Variants in LARS2 observed in about 807,000 individuals in gnomAD.
LARS2 encodes the protein leucyl-tRNA synthetase 2, mitochondrial, also known as leucine--tRNA ligase, mitochondrial.
A neutral mutation model predicts 116.6 loss-of-function variants in LARS2; 81 were observed. The ratio of observed to expected loss-of-function variants is 0.69; its 90% CI spans 0.58 to 0.84. The LOEUF is 0.84. Among genes scored for constraint, LARS2 ranks in the 40% least tolerant of loss-of-function variants. The pLI is 0.00. For synonymous variants in LARS2, 396 were observed against 407.2 expected, an observed-to-expected ratio of 0.97 and a Z score of 0.33; for missense variants, 968 against 1,114.5, an observed-to-expected ratio of 0.87 and a Z score of 1.87.
chr3:45,427,929 C>A (rs1475991082), intron 6 of LARS2, among the ~76,000 whole-genome samples: 1 of 150,992 alleles, frequency 6.6e-6, no homozygotes, highest in Admixed American at 6.6e-5. Flanking sequence ...TGAAGCAATT[C>A]TCCTGCCTCA....
chr3:45,458,665 C>T lies in LARS2; in HGVS notation c.607-78C>T, dbSNP rs911675172. ...TCACGCCACTGCACTCTAGCCCGGG[C>T]GACAGTGCGACACTCCCTGTCAAAA... On this transcript the variant is annotated intron_variant, in intron 7 of 21. Coordinates refer to ENST00000645846, the MANE Select transcript of LARS2 (RefSeq NM_015340.4). 28 of 1,466,128 alleles carry T rather than the reference C, an allele frequency of 1.9e-5. 1 individual carries two copies. Among genetic ancestry groups the T allele is most frequent in the South Asian group, 1.2e-4 (10 of 86,262 alleles). The allele number at this position is 1,466,128 out of a possible 1,614,324, so 90.8% of individuals were successfully genotyped here. A position where few individuals can be genotyped will look rare whatever the true frequency, so the allele number is the denominator to read the frequency against.
chr3:45,463,404 G>A (rs1022843386), intron 8 of LARS2, among the ~76,000 whole-genome samples: 7 of 152,172 alleles, frequency 4.6e-5, no homozygotes, highest in African/African-American at 1.4e-4. Flanking sequence ...GTTTTCAGGA[G>A]TTACTTGGCA....
At chr3:45,451,585 A>G (rs182802337) in intron 7 of LARS2, among the ~76,000 whole-genome samples, 50 of 152,236 alleles carry the variant, frequency 3.3e-4, no homozygotes, top group African/African-American at 1.1e-3. Flanking sequence ...TGGCAGTACC[A>G]TGCTTTTTGG....
intron 17 of LARS2, 76 bp from the exon 18 acceptor site, chr3:45,517,827 C>G: frequency 8.2e-7 from 1 of 1,225,646 alleles, no homozygotes; most frequent in South Asian, 1.5e-5. Flanking sequence ...AGGTGTTTTT[C>G]TCTGCTTAGT....
intron 19 of LARS2, among the ~76,000 whole-genome samples, chr3:45,523,734 A>G (rs759382483): frequency 1.3e-5 from 2 of 151,678 alleles, no homozygotes; most frequent in African/African-American, 4.8e-5. Flanking sequence ...ATGAGGTCTC[A>G]CTATAGTGCC....
chr3:45,476,387 G>C, intron 9 of LARS2, 81 bp from the exon 10 acceptor site: 11 of 1,429,322 alleles, frequency 7.7e-6, no homozygotes, highest in Non-Finnish European at 1.1e-5. Flanking sequence ...GAGGAGGGAA[G>C]GGGAAGGGGA....
intron 1 of LARS2, among the ~76,000 whole-genome samples, chr3:45,389,524 C>G (rs981996064): frequency 2.6e-5 from 4 of 152,338 alleles, no homozygotes; most frequent in South Asian, 2.1e-4. Flanking sequence ...GGCACTCCCT[C>G]CTGCCTGTGC....
At chr3:45,502,598 A>C (rs535476359) in intron 15 of LARS2, among the ~76,000 whole-genome samples, 7 of 152,126 alleles carry the variant, frequency 4.6e-5, no homozygotes, top group Admixed American at 4.6e-4. Flanking sequence ...TTTAGTAGAG[A>C]TGGAGTTTCA....
At chr3:45,459,584 T>A (rs1699278231) in intron 8 of LARS2, among the ~76,000 whole-genome samples, 1 of 152,146 alleles carries the variant, frequency 6.6e-6, no homozygotes, top group African/African-American at 2.4e-5. Context: ...GCAAAACCAA[T>A]CATTGAAAGC....
At chr3:45,545,876 C>G (rs1700867685) in intron 21 of LARS2, among the ~76,000 whole-genome samples, 1 of 150,770 alleles carries the variant, frequency 6.6e-6, no homozygotes, top group Non-Finnish European at 1.5e-5. Context: ...GCACTCTTGA[C>G]AAAGGCAGAG....
At chr3:45,399,885 G>T (rs1338283469) in intron 3 of LARS2, among the ~76,000 whole-genome samples, 4 of 151,458 alleles carry the variant, frequency 2.6e-5, no homozygotes, top group African/African-American at 4.9e-5. Flanking sequence ...AAGATGTTTG[G>T]TTTTCCATTC....
intron 6 of LARS2, among the ~76,000 whole-genome samples, chr3:45,432,184 A>G (rs1698728124): frequency 6.6e-6 from 1 of 152,204 alleles, no homozygotes; most frequent in African/African-American, 2.4e-5. Flanking sequence ...AATTGAAGAG[A>G]GAAATAGACA....
intron 14 of LARS2, among the ~76,000 whole-genome samples, chr3:45,498,115 A>AG (rs965662625): frequency 1.3e-5 from 2 of 152,206 alleles, no homozygotes; most frequent in Non-Finnish European, 2.9e-5. Flanking sequence ...AATGCAAGTG[A>AG]GGTCAGGCTC....
At chr3:45,514,376 A>G (rs563668393) in intron 16 of LARS2, among the ~76,000 whole-genome samples, 44 of 152,338 alleles carry the variant, frequency 2.9e-4, no homozygotes, top group African/African-American at 1.0e-3. Flanking sequence ...CCAGCCAAAC[A>G]TTAGAGACAG....
intron 13 of LARS2, among the ~76,000 whole-genome samples, chr3:45,492,579 G>T (rs1246722251): frequency 6.6e-6 from 1 of 152,156 alleles, no homozygotes; most frequent in African/African-American, 2.4e-5. Flanking sequence ...TCTTGAGCTG[G>T]GTGTCAAATC....
chr3:45,406,874 TA>T (rs1255341537), intron 4 of LARS2, among the ~76,000 whole-genome samples: 1 of 152,238 alleles, frequency 6.6e-6, no homozygotes, highest in Non-Finnish European at 1.5e-5. Flanking sequence ...ATGACATATT[TA>T]AAACTTAGCT....
Position 45,391,329 on chromosome 3 carries a change from C to T in LARS2, c.-87-254C>T, listed in dbSNP as rs573713411. The stretch of plus-strand genomic sequence containing the variant: ...TGAAACGCCGTCTCTACTAAAAATA[C>T]AAAAAATTAGCCGGGTGTGGTGGCG... On this transcript the variant is annotated intron_variant, in intron 1 of 21. Transcript: ENST00000645846. Among the ~76,000 whole-genome samples, 169 of 151,870 alleles carry T rather than the reference C, an allele frequency of 1.1e-3. 3 individuals are homozygous for T. The South Asian group carries it at 0.034, about 31-fold the overall frequency.
chr3:45,444,082 G>A (rs1320180242), intron 6 of LARS2, among the ~76,000 whole-genome samples: 1 of 148,298 alleles, frequency 6.7e-6, no homozygotes, highest in Non-Finnish European at 1.5e-5. Flanking sequence ...TCAGCTCACT[G>A]CAAGCTCCGC....
intron 6 of LARS2, among the ~76,000 whole-genome samples, chr3:45,425,984 G>A (rs969555442): frequency 6.9e-6 from 1 of 145,504 alleles, no homozygotes; most frequent in Non-Finnish European, 1.5e-5. Context: ...TCTTCCCACT[G>A]TCATGTTGTT....
Sources: allele counts gnomAD v4.1 joint callset (sites outside exome capture counted in the v4.1 genomes callset), GRCh38; gene constraint gnomAD v4.1.1; transcripts MANE v1.5; gene names NCBI Gene and HGNC (gene_info 2026-07-23, HGNC 2026-07-21).